Variants in SORBS2 observed in about 807,000 individuals in gnomAD.
SORBS2 encodes the protein sorbin and SH3 domain containing 2.
Under a neutral mutation model 97.7 loss-of-function variants are expected in SORBS2, and 46 were observed. The observed-to-expected ratio is 0.47, with a 90% CI of 0.37 to 0.60. The LOEUF is 0.60. Ranked by LOEUF, SORBS2 falls within the 20% of genes least tolerant of loss-of-function variation. SORBS2 has a pLI of 0.00. For missense variants in SORBS2, 1,316 were observed against 1,282.3 expected (o/e 1.03, Z -0.40); for synonymous variants, 476 against 473.4 (o/e 1.01, Z -0.07).
intron 2 of SORBS2, among the ~76,000 whole-genome samples, chr4:185,750,866 C>T (rs1436003664): frequency 1.3e-5 from 2 of 151,962 alleles, no homozygotes; most frequent in African/African-American, 2.4e-5. Context: ...CTTCCCCCTG[C>T]CCTTTTGATA....
At chr4:185,926,583 C>G (rs1282846690) in intron 1 of SORBS2, among the ~76,000 whole-genome samples, 1 of 149,650 alleles carries the variant, frequency 6.7e-6, no homozygotes, top group Non-Finnish European at 1.5e-5. Flanking sequence ...ATGTAGAATT[C>G]TATTATAAAA....
chr4:185,836,670 A>T (rs1028049253), intron 1 of SORBS2, among the ~76,000 whole-genome samples: 1 of 152,190 alleles, frequency 6.6e-6, no homozygotes, highest in Admixed American at 6.5e-5. Context: ...CGGGGTCTCT[A>T]TTCAAACCCA....
intron 1 of SORBS2, among the ~76,000 whole-genome samples, chr4:185,923,883 T>C (rs577662431): frequency 6.6e-6 from 1 of 152,340 alleles, no homozygotes; most frequent in South Asian, 2.1e-4. Context: ...CCTTGGATAC[T>C]TTCCTGAATA....
chr4:185,714,156 T>C (rs1165239910), intron 2 of SORBS2, among the ~76,000 whole-genome samples: 1 of 152,254 alleles, frequency 6.6e-6, no homozygotes, highest in Non-Finnish European at 1.5e-5. Flanking sequence ...AAATTATGAA[T>C]GATGAGGCAT....
upstream of SORBS2, among the ~76,000 whole-genome samples, chr4:185,660,872 C>G (rs964509682): frequency 6.6e-6 from 1 of 152,178 alleles, no homozygotes; most frequent in Non-Finnish European, 1.5e-5. Flanking sequence ...CTAGAAGCTT[C>G]CTAGTGAGTC....
chr4:185,928,383 G>A lies in SORBS2; in HGVS notation c.-338+27813C>T, dbSNP rs553593568. ...CCTGTTGTTGCACTCCAGCCTGAGTGGCAGAGCAAGACCCCATCTCAAAAA... is the reference window on the plus strand; with the variant it reads ...CCTGTTGTTGCACTCCAGCCTGAGTAGCAGAGCAAGACCCCATCTCAAAAA... On this transcript the variant is annotated intron_variant, in intron 1 of 20. Transcript: ENST00000284776. 2.0e-5 allele frequency among the ~76,000 whole-genome samples: 3 copies of A among 152,204 alleles called. No individual in the cohort carries two copies. The East Asian group carries it at 5.8e-4, about 29-fold the overall frequency.
chr4:185,617,173 A>G (rs2096642197), intron 9 of SORBS2, among the ~76,000 whole-genome samples: 1 of 152,240 alleles, frequency 6.6e-6, no homozygotes, highest in Admixed American at 6.5e-5. Flanking sequence ...TGATTTTTAC[A>G]AAGAAGAAAT....
At chr4:185,936,221 G>A (rs941575922) in intron 1 of SORBS2, among the ~76,000 whole-genome samples, 9 of 152,188 alleles carry the variant, frequency 5.9e-5, no homozygotes, top group South Asian at 2.1e-4. Context: ...TTAGTTGTGC[G>A]AAGAGAAGTA....
intron 2 of SORBS2, among the ~76,000 whole-genome samples, chr4:185,761,195 G>A (rs1438848091): frequency 1.3e-5 from 2 of 152,210 alleles, no homozygotes; most frequent in Non-Finnish European, 2.9e-5. Context: ...GCTGCCATCA[G>A]TAATGTCTTT....
chr4:185,949,562 G>A (rs1373737269), intron 1 of SORBS2, among the ~76,000 whole-genome samples: 1 of 151,972 alleles, frequency 6.6e-6, no homozygotes, highest in Non-Finnish European at 1.5e-5. Context: ...AGGGGGCGGG[G>A]GGCAGAGTGA....
At chr4:185,651,797 AT>A in intron 2 of SORBS2, 1 of 1,505,866 alleles carries the variant, frequency 6.6e-7, no homozygotes, top group Non-Finnish European at 9.2e-7. Flanking sequence ...CATTGTATGT[AT>A]AAGGAGTATT....
chr4:185,882,964 A>G (rs926859318), intron 1 of SORBS2, among the ~76,000 whole-genome samples: 2 of 152,290 alleles, frequency 1.3e-5, no homozygotes, highest in East Asian at 1.9e-4. Context: ...AGAAGAAAAT[A>G]CAGAAAAAAA....
At chr4:185,872,231 C>T (rs2099230797) in intron 1 of SORBS2, among the ~76,000 whole-genome samples, 1 of 152,120 alleles carries the variant, frequency 6.6e-6, no homozygotes, top group Non-Finnish European at 1.5e-5. Context: ...CTACAGGCAA[C>T]TTTTATCAGA....
At chr4:185,908,954 T>C (rs2099253282) in intron 1 of SORBS2, among the ~76,000 whole-genome samples, 1 of 151,688 alleles carries the variant, frequency 6.6e-6, no homozygotes, top group Non-Finnish European at 1.5e-5. Context: ...TATATTTATA[T>C]AAATTCAACA....
intron 6 of SORBS2, among the ~76,000 whole-genome samples, chr4:185,625,378 G>A (rs577689367): frequency 6.6e-6 from 1 of 152,162 alleles, no homozygotes; most frequent in African/African-American, 2.4e-5. Context: ...TAAATGAGGA[G>A]CCAAATTATA....
intron 2 of SORBS2, chr4:185,773,667 C>A (rs1232711375): frequency 2.0e-5 from 3 of 152,228 alleles, no homozygotes; most frequent in African/African-American, 7.2e-5. Context: ...CTACTCCTAA[C>A]CTTCAACAGA....
At chr4:185,858,127 C>T (rs1311147121) in intron 1 of SORBS2, among the ~76,000 whole-genome samples, 3 of 152,164 alleles carry the variant, frequency 2.0e-5, no homozygotes, top group Non-Finnish European at 4.4e-5. Context: ...CCCCTGGAGG[C>T]CCAGCTGTAA....
At chr4:185,943,383 G>A (rs9998379) in intron 1 of SORBS2, among the ~76,000 whole-genome samples, 18,034 of 152,222 alleles carry the variant, frequency 0.12, 1,344 homozygotes, top group Middle Eastern at 0.24. Flanking sequence ...GAATTCTGAT[G>A]TCATGAAATT....
intron 12 of SORBS2, among the ~76,000 whole-genome samples, chr4:185,605,331 G>A (rs760111464): frequency 4.6e-5 from 7 of 152,250 alleles, no homozygotes; most frequent in South Asian, 4.1e-4. Flanking sequence ...TGCCCAGAAC[G>A]GAGTGCAGTG....
Sources: gnomAD v4.1 joint callset for allele counts (sites outside exome capture counted in the v4.1 genomes callset) on GRCh38, gnomAD v4.1.1 for gene constraint, MANE v1.5 for transcripts, NCBI Gene and HGNC (gene_info 2026-07-23, HGNC 2026-07-21) for gene names.